Variants in AHCTF1 observed in about 807,000 individuals in gnomAD.
AHCTF1 encodes the protein protein ELYS.
Under a neutral mutation model 248.4 loss-of-function variants are expected in AHCTF1, and 24 were observed. That is an observed-to-expected ratio of 0.10 (90% confidence interval 0.07 to 0.14). AHCTF1 has a LOEUF of 0.14. Among genes scored for constraint, AHCTF1 ranks in the 10% least tolerant of loss-of-function variants. The probability of loss-of-function intolerance (pLI) is 1.00; values close to 1 mark genes in which losing one functional copy is unlikely to be tolerated. For synonymous variants in AHCTF1, 786 were observed against 929.8 expected (o/e 0.85, Z 2.81); for missense variants, 2,206 against 2,636.2 (o/e 0.84, Z 3.57).
chr1:246,860,277 A>G (rs1661440580), intron 29 of AHCTF1, among the ~76,000 whole-genome samples: 1 of 152,144 alleles, frequency 6.6e-6, no homozygotes, highest in Non-Finnish European at 1.5e-5. Context: ...CAAAAATTAA[A>G]TAAATAAAAA....
intron 26 of AHCTF1, among the ~76,000 whole-genome samples, chr1:246,866,413 C>T (rs1229903322): frequency 6.6e-6 from 1 of 152,148 alleles, no homozygotes; most frequent in East Asian, 1.9e-4. Context: ...AAAATACCAT[C>T]TTACCAGAGT....
chr1:246,885,782 C>A, intron 20 of AHCTF1, 102 bp from the exon 21 acceptor site: 1 of 1,104,678 alleles, frequency 9.1e-7, no homozygotes. Context: ...AGATAAGACT[C>A]GTTTAAATAT....
Position 246,840,944 on chromosome 1 carries a change from A to G in AHCTF1, c.6663T>C (p.Ile2221=), listed in dbSNP as rs775643208. 1 of 1,612,198 alleles carries G rather than the reference A, an allele frequency of 6.2e-7. No individual in the cohort carries two copies. Among genetic ancestry groups the G allele is most frequent in the Non-Finnish European group, 8.5e-7 (1 of 1,179,352 alleles). The change falls in exon 36 of 36, where the codon ATT becomes ATC. Residue 2221 remains isoleucine (I), a synonymous_variant. Coordinates refer to ENST00000648844, the MANE Select transcript of AHCTF1 (RefSeq NM_001323342.2). ...WSPPPIEIRL[I]SPLASPADGV... ...CGTCAGCTGGGCTAGCCAAGGGGGAAATCAGCCGAATTTCTATGGGAGGAG... is the reference window on the plus strand; with the variant it reads ...CGTCAGCTGGGCTAGCCAAGGGGGAGATCAGCCGAATTTCTATGGGAGGAG...
chr1:246,867,897 CCCCCCACA>C, intron 24 of AHCTF1, 86 bp from the exon 25 acceptor site: 1 of 568,906 alleles, frequency 1.8e-6, no homozygotes, highest in Non-Finnish European at 2.6e-6. Flanking sequence ...TTACACCCCC[CCCCCCACA>C]CACACACACA....
intron 1 of AHCTF1, among the ~76,000 whole-genome samples, chr1:246,930,903 G>A (rs564444203): frequency 5.9e-5 from 9 of 152,212 alleles, no homozygotes; most frequent in African/African-American, 2.2e-4. Flanking sequence ...TATGAACCTC[G>A]TAAGCTTTGA....
chr1:246,861,424 A>T, intron 28 of AHCTF1, 129 bp from the exon 29 acceptor site: 1 of 873,254 alleles, frequency 1.1e-6, no homozygotes. Flanking sequence ...CTTAATAAAA[A>T]TTCATTTATT....
chr1:246,931,214 C>T (rs1307994478), intron 1 of AHCTF1: 2 of 1,550,300 alleles, frequency 1.3e-6, no homozygotes, highest in Non-Finnish European at 1.7e-6. Context: ...GAAAGGCCCG[C>T]CAACGAGTCC....
intron 4 of AHCTF1, among the ~76,000 whole-genome samples, chr1:246,910,135 C>A (rs140999106): frequency 5.5e-4 from 84 of 152,290 alleles, no homozygotes; most frequent in Non-Finnish European, 9.6e-4. Context: ...ATAACCAGAG[C>A]TAATTTAATT....
chr1:246,894,933 G>A (rs1055718272), intron 13 of AHCTF1, among the ~76,000 whole-genome samples, 185 bp from the exon 14 acceptor site: 2 of 151,928 alleles, frequency 1.3e-5, no homozygotes, highest in African/African-American at 4.8e-5. Context: ...TTCAGGTAAT[G>A]CTGCCGCCAA....
intron 1 of AHCTF1, among the ~76,000 whole-genome samples, chr1:246,929,760 T>A (rs1430758147): frequency 2.0e-5 from 3 of 152,082 alleles, no homozygotes; most frequent in Non-Finnish European, 2.9e-5. Context: ...CCTCTTAAAA[T>A]ATATCTGTAC....
At position 246,928,970 on chromosome 1, in the gene AHCTF1, T is replaced by C. The variant is rs552469509; in HGVS notation, c.-8+2608A>G. On this transcript the variant is annotated intron_variant, in intron 1 of 35. Coordinates refer to ENST00000648844, the MANE Select transcript of AHCTF1 (RefSeq NM_001323342.2). ...GAATGCAAGGTCAAGAAGATAACCT[T>C]CTTCCTGACTTTAAGGAGTTTACAA... is the stretch of plus-strand genomic sequence containing the variant. 9.8e-5 allele frequency among the ~76,000 whole-genome samples: 15 copies of C among 152,332 alleles called. No individual in the cohort carries two copies. The South Asian group carries it at 3.1e-3, about 32-fold the overall frequency.
rs772214474 is a variant in AHCTF1, at chr1:246,850,083, C to G, written c.5923G>C (p.Gly1975Arg). ...FDMSAIPRKR[G>R]RPRKINPSED... ...GATGGATTGATTTTTCTTGGTCTAC[C>G]ACGTTTTCTAGGTATGGCAGACATA... Residue 1975 changes from glycine (G) to arginine (R), a missense_variant, in exon 33 of 36, where the codon GGT becomes CGT. Around this residue, in one of 6 missense-constraint regions of AHCTF1, gnomAD observed 469 missense variants for 470.0 expected, o/e 1.00. Coordinates refer to ENST00000648844, the MANE Select transcript of AHCTF1 (RefSeq NM_001323342.2). 7 of 1,613,750 alleles carry G rather than the reference C, an allele frequency of 4.3e-6. No individual in the cohort carries two copies. The African/African-American group carries it at 9.3e-5, about 22-fold the overall frequency.
chr1:246,918,454 A>G, intron 1 of AHCTF1, 77 bp from the exon 2 acceptor site: 1 of 1,339,074 alleles, frequency 7.5e-7, no homozygotes, highest in Non-Finnish European at 9.9e-7. Context: ...AGCCAGGAAA[A>G]ACAGTAAAAG....
chr1:246,868,883 C>G (rs1280740245), intron 24 of AHCTF1, among the ~76,000 whole-genome samples: 1 of 145,278 alleles, frequency 6.9e-6, no homozygotes, highest in Non-Finnish European at 1.5e-5. Context: ...CTCGCTCTGT[C>G]ACCCAGGTTG....
At chr1:246,870,083 G>A (rs545557792) in intron 24 of AHCTF1, among the ~76,000 whole-genome samples, 1 of 152,256 alleles carries the variant, frequency 6.6e-6, no homozygotes, top group South Asian at 2.1e-4. Context: ...AACTTTTGAG[G>A]GCTTCAAGAC....
At position 246,930,221 on chromosome 1, in the gene AHCTF1, C is replaced by T. The variant is rs549698389; in HGVS notation, c.-8+1357G>A. ...CGCGATCCTAGCTCACTGCAACCCT[C>T]GAACTCTCAGTTTGAGGCTGAAGCT... On this transcript the variant is annotated intron_variant, in intron 1 of 35. Transcript: ENST00000648844. 2.3e-4 allele frequency among the ~76,000 whole-genome samples: 35 copies of T among 152,302 alleles called. 2 individuals carry two copies. Among genetic ancestry groups the T allele is most frequent in the African/African-American group, 7.0e-4 (29 of 41,572 alleles).
In AHCTF1 at chr1:246,903,347, C is replaced by T. The variant is rs575678159; in HGVS notation, c.966+602G>A. On this transcript the variant is annotated intron_variant, in intron 7 of 35. Transcript: ENST00000648844. ...TGGCTTAATGCTTGATATGTTAGAGCAACAAAGTGGAATTATTTTTCCTGG... is the reference window on the plus strand; with the variant it reads ...TGGCTTAATGCTTGATATGTTAGAGTAACAAAGTGGAATTATTTTTCCTGG... Among the ~76,000 whole-genome samples, 115 of 152,204 alleles carry T rather than the reference C, an allele frequency of 7.6e-4. 2 individuals are homozygous for T. The highest frequency in any genetic ancestry group is 2.9e-3 in the South Asian group (14 of 4,824).
chr1:246,861,647 G>A (rs1661559700), intron 28 of AHCTF1, among the ~76,000 whole-genome samples: 1 of 152,054 alleles, frequency 6.6e-6, no homozygotes, highest in South Asian at 2.1e-4. Context: ...TAAAAACAAA[G>A]ATAAAAGAAG....
At position 246,884,934 on chromosome 1, in the gene AHCTF1, A is replaced by G. The variant is rs555312138; in HGVS notation, c.2660+559T>C. Among the ~76,000 whole-genome samples, 4 of 152,326 alleles carry G rather than the reference A, an allele frequency of 2.6e-5. No homozygotes were observed. In the East Asian group the frequency reaches 7.7e-4, roughly 29 times the overall value. On this transcript the variant is annotated intron_variant, in intron 21 of 35. Transcript: ENST00000648844. ...ACTGAATACAAATTCTCAATTTGTC[A>G]ACTCTATCACTTCATTCTTCCTCTC...
Sources: allele counts gnomAD v4.1 joint callset (sites outside exome capture counted in the v4.1 genomes callset), GRCh38; gene constraint gnomAD v4.1.1; regional missense constraint gnomAD v4.1.1; transcripts MANE v1.5; gene names NCBI Gene and HGNC (gene_info 2026-07-23, HGNC 2026-07-21).